The following BACH2 variants were observed in gnomAD, a reference collection of about 807,000 sequenced individuals.
BACH2 encodes the protein transcription regulator protein BACH2.
BACH2 carries 5 observed loss-of-function variants against 61.8 expected under a neutral mutation model. The observed-to-expected ratio is 0.08, with a 90% CI of 0.04 to 0.17. BACH2 has a LOEUF of 0.17. BACH2 is among the 10% of genes least tolerant of loss of function. The pLI is 1.00. For missense variants in BACH2, 824 were observed against 1,091.1 expected (o/e 0.76, Z 3.45); for synonymous variants, 446 against 440.1 (o/e 1.01, Z -0.17).
intron 2 of BACH2, among the ~76,000 whole-genome samples, chr6:90,262,655 CAA>C (rs1000424909): frequency 6.6e-6 from 1 of 152,132 alleles, no homozygotes; most frequent in Non-Finnish European, 1.5e-5. Context: ...ATGATGACAC[CAA>C]TCAACATTAC....
In BACH2 at chr6:90,008,957, T is replaced by C; in HGVS notation, c.-12-101A>G. The C allele has an allele frequency of 2.9e-6, 4 of 1,395,838 alleles. No individual in the cohort carries two copies. The highest frequency in any genetic ancestry group is 3.9e-6 in the Non-Finnish European group (4 of 1,036,044). The allele number at this position is 1,395,838 out of a possible 1,614,324, so 86.5% of individuals were successfully genotyped here. On this transcript the variant is annotated intron_variant, in intron 5 of 8. Transcript: ENST00000257749. The surrounding 1 kb of genome is among the most constrained non-coding windows in gnomAD (Gnocchi z 4.1). Reference sequence around the variant, plus strand: ...GTGAGAAAGAACATCATGGTTCCTGTGTCCCACTGCCATGAGCATGGCAGG... The same window carrying C: ...GTGAGAAAGAACATCATGGTTCCTGCGTCCCACTGCCATGAGCATGGCAGG...
intron 3 of BACH2, chr6:90,217,883 G>A (rs1769593017): frequency 6.6e-6 from 1 of 151,856 alleles, no homozygotes; most frequent in Non-Finnish European, 1.5e-5. Context: ...AATAAATACT[G>A]TGGTAGGGAA....
intron 5 of BACH2, among the ~76,000 whole-genome samples, chr6:90,031,512 G>A (rs1223124927): frequency 2.6e-5 from 4 of 152,100 alleles, no homozygotes; most frequent in Non-Finnish European, 4.4e-5. Context: ...AAAGTCTCAG[G>A]ATACAAAATC....
intron 5 of BACH2, among the ~76,000 whole-genome samples, chr6:90,057,188 G>A (rs1259505235): frequency 2.7e-5 from 4 of 150,514 alleles, no homozygotes; most frequent in Non-Finnish European, 6.0e-5. Flanking sequence ...CCAGGAGCTG[G>A]TTTTTTGAAA....
intron 4 of BACH2, among the ~76,000 whole-genome samples, chr6:90,146,592 C>A (rs1398537817): frequency 6.6e-6 from 1 of 152,196 alleles, no homozygotes; most frequent in African/African-American, 2.4e-5. Context: ...GATGATCACA[C>A]ATACTTAAAT....
chr6:90,218,641 G>C (rs1769627609), intron 3 of BACH2, among the ~76,000 whole-genome samples: 1 of 151,982 alleles, frequency 6.6e-6, no homozygotes, highest in Non-Finnish European at 1.5e-5. Flanking sequence ...TTGCTTTGTG[G>C]AAAGGACCTG....
At position 90,008,598 on chromosome 6, in the gene BACH2, G is replaced by A; in HGVS notation, c.243+4C>T. Reference sequence around the variant, plus strand: ...TAACAATCACACAAACCAAATTACTGTACCTCCTCAGGCAAGCTGACCACC... The same window carrying A: ...TAACAATCACACAAACCAAATTACTATACCTCCTCAGGCAAGCTGACCACC... On this transcript the variant is annotated splice_donor_region_variant and intron_variant, in intron 6 of 8. Coordinates refer to ENST00000257749, the MANE Select transcript of BACH2 (RefSeq NM_021813.4). This position sits in a 1 kb window ranked among gnomAD's most constrained non-coding sequence, Gnocchi z 4.1. The A allele has an allele frequency of 6.2e-7, 1 of 1,613,910 alleles. No homozygotes were observed. Among genetic ancestry groups the A allele is most frequent in the Non-Finnish European group, 8.5e-7 (1 of 1,179,998 alleles).
At chr6:90,066,880 C>T (rs1410920814) in intron 5 of BACH2, among the ~76,000 whole-genome samples, 1 of 152,324 alleles carries the variant, frequency 6.6e-6, no homozygotes, top group East Asian at 1.9e-4. Flanking sequence ...TAGAGCCGGG[C>T]TCCATTCTTA....
At chr6:90,189,485 G>A (rs1156645005) in intron 4 of BACH2, among the ~76,000 whole-genome samples, 4 of 151,958 alleles carry the variant, frequency 2.6e-5, no homozygotes, top group Non-Finnish European at 4.4e-5. Flanking sequence ...GCGGGCGCCC[G>A]TAGTCCCAGC....
chr6:90,097,398 A>C (rs1782425228), intron 4 of BACH2, among the ~76,000 whole-genome samples: 1 of 152,140 alleles, frequency 6.6e-6, no homozygotes, highest in South Asian at 2.1e-4. Flanking sequence ...ACCGAGGAGG[A>C]AGAAGGCAGC....
At chr6:90,156,937 G>T (rs781409429) in intron 4 of BACH2, among the ~76,000 whole-genome samples, 1 of 152,236 alleles carries the variant, frequency 6.6e-6, no homozygotes, top group Non-Finnish European at 1.5e-5. Context: ...AAGAAGGGAT[G>T]GTAGCTGGGG....
chr6:89,988,341 A>G (rs2128364695), intron 6 of BACH2, among the ~76,000 whole-genome samples: 1 of 152,308 alleles, frequency 6.6e-6, no homozygotes, highest in Non-Finnish European at 1.5e-5. Flanking sequence ...CAGGTGAGCA[A>G]GGGTAGTCAG....
At chr6:90,039,041 C>CAA (rs779828857) in intron 5 of BACH2, among the ~76,000 whole-genome samples, 3 of 101,902 alleles carry the variant, frequency 2.9e-5, no homozygotes, top group East Asian at 2.5e-4. Flanking sequence ...ACTCCGTCTC[C>CAA]AAAAAAAAAA....
chr6:90,056,613 C>T (rs1191853212), intron 5 of BACH2, among the ~76,000 whole-genome samples: 1 of 152,026 alleles, frequency 6.6e-6, no homozygotes, highest in Non-Finnish European at 1.5e-5. Context: ...AGCTCTGCAC[C>T]AAGCGGACCT....
chr6:90,023,965 C>T (rs1778508041), intron 5 of BACH2, among the ~76,000 whole-genome samples: 1 of 152,112 alleles, frequency 6.6e-6, no homozygotes, highest in African/African-American at 2.4e-5. Flanking sequence ...GGTGGCAAAA[C>T]TATAAAGAAA....
intron 3 of BACH2, among the ~76,000 whole-genome samples, chr6:90,222,091 A>G (rs1462210698): frequency 6.6e-6 from 1 of 152,212 alleles, no homozygotes; most frequent in Non-Finnish European, 1.5e-5. Context: ...TTAATGTGCT[A>G]TTTTACAAAT....
intron 6 of BACH2, among the ~76,000 whole-genome samples, chr6:89,961,885 CTTA>C (rs901986241): frequency 2.0e-5 from 3 of 152,182 alleles, no homozygotes; most frequent in Non-Finnish European, 4.4e-5. Flanking sequence ...TTCACTGTCA[CTTA>C]TTATTTACAA....
rs1777543091 is a variant in BACH2, at chr6:90,008,705, T to G, written c.140A>C (p.Glu47Ala). ...CAGCACAGCCCGGTGGGCCCGGAAC[T>G]CCTTCCTCTCCACGATCAAAGTCAC... ...CDVTLIVERK[E>A]FRAHRAVLAA... Residue 47 changes from glutamate to alanine, a missense_variant, in exon 6 of 9, where the codon GAG becomes GCG. Physicochemically the swap from Glu to Ala is moderately radical, Grantham distance 107. Transcript: ENST00000257749. The surrounding 1 kb of genome is among the most constrained non-coding windows in gnomAD (Gnocchi z 4.1). 3.7e-6 allele frequency: 6 copies of G among 1,614,170 alleles called. No homozygotes were observed. The South Asian group carries it at 4.4e-5, about 12-fold the overall frequency.
chr6:90,112,076 G>T (rs1783196524), intron 4 of BACH2, among the ~76,000 whole-genome samples: 1 of 152,182 alleles, frequency 6.6e-6, no homozygotes, highest in Admixed American at 6.5e-5. Context: ...AACATTATCA[G>T]GCTATTAGTG....
Sources: allele counts gnomAD v4.1 joint callset (sites outside exome capture counted in the v4.1 genomes callset), GRCh38; gene constraint gnomAD v4.1.1; non-coding constraint Gnocchi (gnomAD v3.1); transcripts MANE v1.5; gene names NCBI Gene and HGNC (gene_info 2026-07-23, HGNC 2026-07-21).